FRMPD4: variants seen among roughly 807,000 people sequenced by gnomAD.
FRMPD4 encodes FERM and PDZ domain-containing protein 4.
Under a neutral mutation model 94.1 loss-of-function variants are expected in FRMPD4, and 22 were observed. That is an observed-to-expected ratio of 0.23 (90% CI 0.17 to 0.33). The LOEUF is 0.33. FRMPD4 is among the 10% of genes least tolerant of loss of function. The pLI is 1.00. For synonymous variants in FRMPD4, 631 were observed against 548.6 expected, an observed-to-expected ratio of 1.15 and a Z score of -2.10; for missense variants, 1,111 against 1,339.9, an observed-to-expected ratio of 0.83 and a Z score of 2.67.
intron 1 of FRMPD4, among the ~76,000 whole-genome samples, chrX:12,342,068 T>C (rs1345895050): frequency 8.9e-6 from 1 of 112,159 alleles, no homozygotes; most frequent in Non-Finnish European, 1.9e-5. Context: ...GAGCCATATA[T>C]TTGCTATGCT....
intron 3 of FRMPD4, among the ~76,000 whole-genome samples, chrX:11,991,174 T>C (rs1023937835): frequency 1.8e-5 from 2 of 111,751 alleles, no homozygotes; most frequent in African/African-American, 6.5e-5. Flanking sequence ...ACTTCTACCA[T>C]ATTTTGTTGG....
intron 1 of FRMPD4, among the ~76,000 whole-genome samples, chrX:11,847,491 A>G (rs1392666244): frequency 9.2e-6 from 1 of 108,192 alleles, no homozygotes; most frequent in Non-Finnish European, 1.9e-5. Flanking sequence ...TCAGGGATCT[A>G]GAACTAGAAA....
chrX:12,588,834 G>A (rs5979672), intron 2 of FRMPD4, among the ~76,000 whole-genome samples: 4,120 of 112,190 alleles, frequency 0.037, 184 homozygotes, highest in African/African-American at 0.12. Context: ...ATGTGTACGT[G>A]TATAAACACA....
At chrX:11,889,586 A>G (rs1362971721) in intron 3 of FRMPD4, among the ~76,000 whole-genome samples, 1 of 112,778 alleles carries the variant, frequency 8.9e-6, no homozygotes, top group African/African-American at 3.2e-5. Context: ...ACATGTGTAC[A>G]GCTATTAATT....
At chrX:12,707,075 A>C (rs2041890186) in intron 12 of FRMPD4, among the ~76,000 whole-genome samples, 160 bp downstream of exon 12, 1 of 111,179 alleles carries the variant, frequency 9.0e-6, no homozygotes, top group Admixed American at 9.6e-5. Flanking sequence ...GTTAAACTAG[A>C]TAACACCACT....
intron 1 of FRMPD4, among the ~76,000 whole-genome samples, chrX:11,824,214 G>A (rs1429436164): frequency 9.4e-6 from 1 of 105,974 alleles, no homozygotes; most frequent in African/African-American, 3.4e-5. Flanking sequence ...GAAAGAGTAG[G>A]TGTGTGGGTA....
At chrX:12,121,150 A>G (rs1038005753) in intron 3 of FRMPD4, among the ~76,000 whole-genome samples, 1 of 109,138 alleles carries the variant, frequency 9.2e-6, no homozygotes, top group African/African-American at 3.3e-5. Context: ...TTTATTTGCT[A>G]TTTTCAATCT....
intron 1 of FRMPD4, among the ~76,000 whole-genome samples, chrX:12,439,214 C>G (rs2057105892): frequency 9.0e-6 from 1 of 111,225 alleles, no homozygotes; most frequent in Non-Finnish European, 1.9e-5. Context: ...TTGCCTCACT[C>G]TCTTTGTGTC....
At chrX:11,827,087 A>ATATATATATATATATATATATATAT (rs58743575) in intron 1 of FRMPD4, among the ~76,000 whole-genome samples, 1 of 83,295 alleles carries the variant, frequency 1.2e-5, no homozygotes, top group African/African-American at 4.9e-5. Flanking sequence ...TATATATATA[A>ATATATATATATATATATATATATAT]AATATATATG....
At chrX:12,249,448 C>A (rs2054002819) in intron 1 of FRMPD4, among the ~76,000 whole-genome samples, 1 of 111,127 alleles carries the variant, frequency 9.0e-6, no homozygotes, top group Admixed American at 9.6e-5. Context: ...CTGAAGGAAC[C>A]CAAACCAGAT....
intron 3 of FRMPD4, among the ~76,000 whole-genome samples, chrX:12,102,246 C>A (rs988739132): frequency 8.9e-6 from 1 of 111,736 alleles, no homozygotes; most frequent in Middle Eastern, 4.7e-3. Context: ...ACACCTTTAA[C>A]GTATCAATCT....
intron 3 of FRMPD4, among the ~76,000 whole-genome samples, chrX:11,947,535 A>T (rs139939919): frequency 2.3e-4 from 26 of 111,997 alleles, no homozygotes; most frequent in African/African-American, 8.4e-4. Context: ...TCAGGGCAAA[A>T]AGCAAAGAAA....
intron 5 of FRMPD4, among the ~76,000 whole-genome samples, chrX:12,678,898 C>G (rs892141916): frequency 1.8e-5 from 2 of 112,720 alleles, no homozygotes; most frequent in Non-Finnish European, 3.8e-5. Context: ...CTAAGTCATT[C>G]TCTCAGTTCT....
At chrX:12,621,409 T>C (rs1382022596) in intron 4 of FRMPD4, among the ~76,000 whole-genome samples, 1 of 109,752 alleles carries the variant, frequency 9.1e-6, no homozygotes, top group African/African-American at 3.3e-5. Flanking sequence ...ATTTGAGATA[T>C]ATAAATTACA....
intron 4 of FRMPD4, among the ~76,000 whole-genome samples, chrX:12,635,619 C>A (rs573718883): frequency 9.0e-6 from 1 of 110,961 alleles, no homozygotes; most frequent in Non-Finnish European, 1.9e-5. Context: ...AGGTCTGGGC[C>A]GTATTCCTGC....
chrX:12,588,147 C>T (rs576113425), intron 2 of FRMPD4, among the ~76,000 whole-genome samples: 1 of 111,532 alleles, frequency 9.0e-6, no homozygotes, highest in East Asian at 2.8e-4. Context: ...TGTCACCATG[C>T]CCGGCTAATT....
chrX:12,395,264 C>A (rs1255740937), intron 1 of FRMPD4, among the ~76,000 whole-genome samples: 1 of 112,236 alleles, frequency 8.9e-6, no homozygotes, highest in East Asian at 2.8e-4. Flanking sequence ...AGGCCTCTAA[C>A]AAAACCCTTC....
intron 5 of FRMPD4, among the ~76,000 whole-genome samples, chrX:12,678,597 G>A (rs1455645372): frequency 1.8e-5 from 2 of 111,896 alleles, no homozygotes; most frequent in Non-Finnish European, 3.8e-5. Flanking sequence ...AGGCCGAGGC[G>A]GGCAGATCAC....
At chrX:12,527,166 C>G (rs1165510309) in intron 2 of FRMPD4, among the ~76,000 whole-genome samples, 1 of 111,796 alleles carries the variant, frequency 8.9e-6, no homozygotes, top group African/African-American at 3.3e-5. Flanking sequence ...TGGTATGCCT[C>G]TTGAGGGATA....
Sources: allele counts gnomAD v4.1 joint callset (sites outside exome capture counted in the v4.1 genomes callset), GRCh38; gene constraint gnomAD v4.1.1; transcripts MANE v1.5; gene names NCBI Gene and HGNC (gene_info 2026-07-23, HGNC 2026-07-21).